The following DDX10 variants were observed in gnomAD, a reference collection of about 807,000 sequenced individuals.
DDX10 encodes probable ATP-dependent RNA helicase DDX10.
DDX10 carries 74 observed loss-of-function variants against 104.3 expected under a neutral mutation model. That is an observed-to-expected ratio of 0.71 (90% CI 0.59 to 0.86). DDX10 has a LOEUF of 0.86. Among genes scored for constraint, DDX10 ranks in the 40% least tolerant of loss-of-function variants. The pLI, the probability that DDX10 is intolerant of heterozygous loss-of-function variation, is 0.00. For synonymous variants in DDX10, 351 were observed against 353.4 expected, an observed-to-expected ratio of 0.99 and a Z score of 0.08; for missense variants, 952 against 1,040.0, an observed-to-expected ratio of 0.92 and a Z score of 1.16.
chr11:108,867,806 A>G (rs573844502), intron 16 of DDX10, among the ~76,000 whole-genome samples: 45 of 152,278 alleles, frequency 3.0e-4, no homozygotes, highest in African/African-American at 9.9e-4. Flanking sequence ...AACAGATATC[A>G]TGACTTTAAA....
At chr11:108,885,332 G>A (rs967000336) in intron 16 of DDX10, among the ~76,000 whole-genome samples, 2 of 149,120 alleles carry the variant, frequency 1.3e-5, no homozygotes, top group African/African-American at 2.5e-5. Flanking sequence ...TAGGCCTTCC[G>A]TGATTCCATC....
chr11:108,884,477 C>T (rs1333254414), intron 16 of DDX10, among the ~76,000 whole-genome samples: 1 of 152,138 alleles, frequency 6.6e-6, no homozygotes, highest in Non-Finnish European at 1.5e-5. Context: ...TTGATGGCTA[C>T]CTACCAATTA....
intron 16 of DDX10, among the ~76,000 whole-genome samples, chr11:108,876,353 A>G (rs192181004): frequency 2.0e-5 from 3 of 152,298 alleles, no homozygotes; most frequent in East Asian, 3.9e-4. Flanking sequence ...TGACTCGTCT[A>G]AAGTTGTACA....
chr11:108,700,224 G>A (rs1225765560), intron 9 of DDX10, among the ~76,000 whole-genome samples: 1 of 152,144 alleles, frequency 6.6e-6, no homozygotes, highest in East Asian at 1.9e-4. Flanking sequence ...CTGTGGTTTA[G>A]CCTTTTGCTT....
intron 13 of DDX10, among the ~76,000 whole-genome samples, chr11:108,804,138 C>T (rs1226649424): frequency 6.6e-6 from 1 of 152,130 alleles, no homozygotes; most frequent in African/African-American, 2.4e-5. Context: ...ATCAGTCCAA[C>T]AAAGAAAGAA....
intron 13 of DDX10, among the ~76,000 whole-genome samples, chr11:108,788,153 T>A (rs569005386): frequency 6.6e-6 from 1 of 152,322 alleles, no homozygotes; most frequent in African/African-American, 2.4e-5. Flanking sequence ...TAAATCTGGT[T>A]AAGAACCATT....
At chr11:108,790,361 G>A (rs1325239919) in intron 13 of DDX10, among the ~76,000 whole-genome samples, 11 of 152,180 alleles carry the variant, frequency 7.2e-5, no homozygotes, top group Admixed American at 6.5e-5. Flanking sequence ...CAAGAAGGAA[G>A]CAGAGGTATT....
intron 10 of DDX10, among the ~76,000 whole-genome samples, chr11:108,712,764 G>A (rs2094286146): frequency 1.3e-5 from 2 of 151,350 alleles, no homozygotes; most frequent in South Asian, 2.1e-4. Flanking sequence ...TTCCTTTGAT[G>A]TGCTCTTCCT....
At chr11:108,816,431 A>G (rs1292135206) in intron 13 of DDX10, among the ~76,000 whole-genome samples, 1 of 152,134 alleles carries the variant, frequency 6.6e-6, no homozygotes, top group African/African-American at 2.4e-5. Flanking sequence ...TAAATCTTTT[A>G]TCTCCCAGAT....
chr11:108,724,291 A>G (rs1375606102), intron 13 of DDX10, among the ~76,000 whole-genome samples: 2 of 152,126 alleles, frequency 1.3e-5, no homozygotes, highest in South Asian at 2.1e-4. Flanking sequence ...AATTAAAAAA[A>G]AAACCTAGAA....
intron 13 of DDX10, among the ~76,000 whole-genome samples, chr11:108,732,983 T>A (rs939823675): frequency 2.6e-5 from 4 of 152,204 alleles, no homozygotes; most frequent in Admixed American, 2.6e-4. Flanking sequence ...GCTCAACAAA[T>A]GTCCTTTTAA....
chr11:108,847,004 T>C (rs1462399381), intron 15 of DDX10, among the ~76,000 whole-genome samples: 1 of 152,226 alleles, frequency 6.6e-6, no homozygotes, highest in Non-Finnish European at 1.5e-5. Context: ...GTTGTAGCCT[T>C]TAAGCACCGC....
chr11:108,699,429 C>A (rs2094264373), intron 9 of DDX10, among the ~76,000 whole-genome samples: 1 of 152,144 alleles, frequency 6.6e-6, no homozygotes, highest in Admixed American at 6.5e-5. Context: ...GGGTTGCATT[C>A]ATTCTCAGAT....
intron 1 of DDX10, among the ~76,000 whole-genome samples, chr11:108,667,296 C>T (rs1015840843): frequency 6.6e-6 from 1 of 152,158 alleles, no homozygotes; most frequent in East Asian, 1.9e-4. Flanking sequence ...GGCTTTGTCC[C>T]CTAGGCCTTA....
intron 12 of DDX10, among the ~76,000 whole-genome samples, chr11:108,721,941 A>T (rs1296384025): frequency 6.6e-6 from 1 of 152,180 alleles, no homozygotes; most frequent in East Asian, 1.9e-4. Flanking sequence ...TAACCCTAAC[A>T]GTGGTGATGG....
intron 10 of DDX10, among the ~76,000 whole-genome samples, chr11:108,710,331 G>A (rs2134464633): frequency 6.6e-6 from 1 of 152,100 alleles, no homozygotes; most frequent in African/African-American, 2.4e-5. Flanking sequence ...TCAGCTTCTT[G>A]ATTCTTTTGT....
At position 108,845,365 on chromosome 11, in the gene DDX10, T is replaced by C. The variant is rs528481744; in HGVS notation, c.2247+3889T>C. 2.0e-5 allele frequency among the ~76,000 whole-genome samples: 3 copies of C among 152,350 alleles called. No individual in the cohort carries two copies. In the East Asian group the frequency reaches 5.8e-4, roughly 29 times the overall value. ...CTTTACTTGAACACATTGTTGGTTTTTGAAGTCACATTTTTTTCCTAACTG... is the reference window on the plus strand; with the variant it reads ...CTTTACTTGAACACATTGTTGGTTTCTGAAGTCACATTTTTTTCCTAACTG... On this transcript the variant is annotated intron_variant, in intron 15 of 17. Coordinates refer to ENST00000322536, the MANE Select transcript of DDX10 (RefSeq NM_004398.4).
At chr11:108,809,321 A>G (rs1376126858) in intron 13 of DDX10, among the ~76,000 whole-genome samples, 1 of 152,160 alleles carries the variant, frequency 6.6e-6, no homozygotes, top group Non-Finnish European at 1.5e-5. Flanking sequence ...CTTGGATGAT[A>G]AGGTAATAAA....
At chr11:108,843,942 T>G (rs1197028257) in intron 15 of DDX10, among the ~76,000 whole-genome samples, 1 of 152,250 alleles carries the variant, frequency 6.6e-6, no homozygotes, top group Non-Finnish European at 1.5e-5. Flanking sequence ...TGTATCGTTG[T>G]GCACTTTTCC....
Sources: allele counts gnomAD v4.1 joint callset (sites outside exome capture counted in the v4.1 genomes callset), GRCh38; gene constraint gnomAD v4.1.1; transcripts MANE v1.5; gene names NCBI Gene and HGNC (gene_info 2026-07-23, HGNC 2026-07-21).